KCNQ1: variants seen among roughly 807,000 people sequenced by gnomAD.
KCNQ1 encodes potassium voltage-gated channel subfamily Q member 1, also known as potassium voltage-gated channel subfamily KQT member 1.
KCNQ1 carries 49 observed loss-of-function variants against 72.4 expected under a neutral mutation model. The observed-to-expected ratio is 0.68, with a 90% CI of 0.54 to 0.86. KCNQ1 has a LOEUF of 0.86. KCNQ1 is among the 40% of genes least tolerant of loss of function. KCNQ1 has a pLI of 0.00. For synonymous variants in KCNQ1, 450 were observed against 412.6 expected (o/e 1.09, Z -1.10); for missense variants, 790 against 945.1 (o/e 0.84, Z 2.15).
intron 15 of KCNQ1, among the ~76,000 whole-genome samples, chr11:2,796,471 G>A (rs775741418): frequency 1.3e-5 from 2 of 152,186 alleles, no homozygotes; most frequent in Admixed American, 6.5e-5. Context: ...TTTATACCCC[G>A]AGACCAGGCG....
chr11:2,539,125 G>A lies in KCNQ1; in HGVS notation c.477+11107G>A, dbSNP rs115547370. Among the ~76,000 whole-genome samples, 512 of 152,278 alleles carry A rather than the reference G, an allele frequency of 3.4e-3. 3 individuals are homozygous for A. The highest frequency in any genetic ancestry group is 0.012 in the African/African-American group (497 of 41,564). ...GTGGATGATGTCCCGTCGGCAGCCCGTGGTCCCTCTGGGGGGCAAGGTGCC... is the reference window on the plus strand; with the variant it reads ...GTGGATGATGTCCCGTCGGCAGCCCATGGTCCCTCTGGGGGGCAAGGTGCC... On this transcript the variant is annotated intron_variant, in intron 2 of 15. Transcript: ENST00000155840.
chr11:2,637,565 C>A (rs143966424), intron 10 of KCNQ1: 2 of 152,264 alleles, frequency 1.3e-5, no homozygotes, highest in African/African-American at 4.8e-5. Flanking sequence ...GTTATAGTTT[C>A]TGTTCTTTTA....
At position 2,450,313 on chromosome 11, in the gene KCNQ1, C is replaced by T. The variant is rs1024478471; in HGVS notation, c.386+4829C>T. 2.6e-5 allele frequency among the ~76,000 whole-genome samples: 4 copies of T among 152,176 alleles called. No individual in the cohort carries two copies. The highest frequency in any genetic ancestry group is 7.2e-5 in the African/African-American group (3 of 41,438). Reference sequence around the variant, plus strand: ...GCTGAGAGACAGCAGATGCCCAAGACGAGTTGCTGGTGTGTGGCCAGTGCT... The same window carrying T: ...GCTGAGAGACAGCAGATGCCCAAGATGAGTTGCTGGTGTGTGGCCAGTGCT... On this transcript the variant is annotated intron_variant, in intron 1 of 15. Transcript: ENST00000155840. The surrounding 1 kb of genome is among the most constrained non-coding windows in gnomAD (Gnocchi z 7.9).
chr11:2,467,198 G>C (rs941257344), intron 1 of KCNQ1, among the ~76,000 whole-genome samples: 2 of 152,178 alleles, frequency 1.3e-5, no homozygotes, highest in African/African-American at 2.4e-5. Context: ...GGGTGGAAGT[G>C]GGCTGTGAGG....
At chr11:2,622,368 A>G (rs946679606) in intron 10 of KCNQ1, 4 of 398,112 alleles carry the variant, frequency 1.0e-5, no homozygotes, top group Admixed American at 4.4e-5. Flanking sequence ...AATTACCTCC[A>G]GCTTTCTTTA....
rs1393971776 is a variant in KCNQ1 at position 2,670,029 on chromosome 11, C to T, written c.1514+7948C>T. 4 of 398,484 alleles carry T rather than the reference C, an allele frequency of 1.0e-5. No homozygotes were observed. Among genetic ancestry groups the T allele is most frequent in the Non-Finnish European group, 1.8e-5 (4 of 226,100 alleles). 24.7% of individuals were successfully genotyped at this position (398,484 alleles called of 1,614,324 possible). On this transcript the variant is annotated intron_variant, in intron 11 of 15. Coordinates refer to ENST00000155840, the MANE Select transcript of KCNQ1 (RefSeq NM_000218.3). The surrounding 1 kb of genome is among the most constrained non-coding windows in gnomAD (Gnocchi z 4.9). ...GAGCTGTTGGGGTCCCGTGGAGGTA[C>T]AGGCGGAAACCTAGCACTCACTATT... is the stretch of plus-strand genomic sequence containing the variant.
intron 15 of KCNQ1, among the ~76,000 whole-genome samples, chr11:2,847,258 C>G (rs1848349402): frequency 6.6e-6 from 1 of 152,228 alleles, no homozygotes; most frequent in Admixed American, 6.5e-5. Context: ...CATGAGCCAG[C>G]CTTGCTGAAC....
chr11:2,511,610 A>G (rs1327957208), intron 1 of KCNQ1, among the ~76,000 whole-genome samples: 4 of 152,114 alleles, frequency 2.6e-5, no homozygotes, highest in African/African-American at 4.8e-5. Flanking sequence ...GTTGGGCGGG[A>G]CTGAGGATAC....
rs1846847228 is a variant in KCNQ1, at chr11:2,782,855, T to TA, written c.1794+4821dup. Reference sequence around the variant, plus strand: ...ACTTGACACTATTCCCCTGTCTTATTAAATGTTTCGTGGACTTCTGGCTTT... The same window carrying TA: ...ACTTGACACTATTCCCCTGTCTTATTAAAATGTTTCGTGGACTTCTGGCTTT... On this transcript the variant is annotated intron_variant, in intron 15 of 15. Coordinates refer to ENST00000155840, the MANE Select transcript of KCNQ1 (RefSeq NM_000218.3). This position sits in a 1 kb window ranked among gnomAD's most constrained non-coding sequence, Gnocchi z 6.1. Among the ~76,000 whole-genome samples the TA allele has an allele frequency of 6.6e-6, 1 of 152,176 alleles. No individual in the cohort carries two copies. The highest frequency in any genetic ancestry group is 1.5e-5 in the Non-Finnish European group (1 of 68,006).
chr11:2,823,623 G>C (rs1847783711), intron 15 of KCNQ1, among the ~76,000 whole-genome samples: 1 of 152,210 alleles, frequency 6.6e-6, no homozygotes, highest in Admixed American at 6.5e-5. Flanking sequence ...GGATACTCCT[G>C]AAGAGGCCAC....
chr11:2,648,121 C>G (rs913077612), intron 10 of KCNQ1: 11 of 293,826 alleles, frequency 3.7e-5, no homozygotes, highest in Non-Finnish European at 6.1e-5. Context: ...AGGAGGATTG[C>G]TTGAGCCCAG....
chr11:2,481,100 G>A lies in KCNQ1; in HGVS notation c.386+35616G>A, dbSNP rs1003663004. Among the ~76,000 whole-genome samples, 2 of 152,198 alleles carry A rather than the reference G, an allele frequency of 1.3e-5. No individual in the cohort carries two copies. The highest frequency in any genetic ancestry group is 6.5e-5 in the Admixed American group (1 of 15,286). ...TTCACTCATAGCCACGAGAACGGGTGGTGGTCTCTTCTGCAGTGAACTGAT... is the reference window on the plus strand; with the variant it reads ...TTCACTCATAGCCACGAGAACGGGTAGTGGTCTCTTCTGCAGTGAACTGAT... On this transcript the variant is annotated intron_variant, in intron 1 of 15. Coordinates refer to ENST00000155840, the MANE Select transcript of KCNQ1 (RefSeq NM_000218.3). The surrounding 1 kb of genome is among the most constrained non-coding windows in gnomAD (Gnocchi z 4.6).
chr11:2,714,331 A>C (rs1326351921), intron 11 of KCNQ1, among the ~76,000 whole-genome samples: 1 of 152,206 alleles, frequency 6.6e-6, no homozygotes, highest in African/African-American at 2.4e-5. Flanking sequence ...GGCAGCAGGC[A>C]CTATGGGCGA....
At chr11:2,820,775 T>A (rs928706604) in intron 15 of KCNQ1, among the ~76,000 whole-genome samples, 2 of 152,240 alleles carry the variant, frequency 1.3e-5, no homozygotes, top group African/African-American at 4.8e-5. Context: ...CATTGAGGGT[T>A]TGAGTCTGCG....
intron 15 of KCNQ1, among the ~76,000 whole-genome samples, chr11:2,797,171 C>CG (rs112995173): frequency 3.3e-5 from 5 of 149,280 alleles, no homozygotes; most frequent in Non-Finnish European, 5.9e-5. Flanking sequence ...GGGGGGGTGG[C>CG]GGGGGGGAGG....
At chr11:2,453,877 TA>T (rs1003729247) in intron 1 of KCNQ1, among the ~76,000 whole-genome samples, 5 of 152,218 alleles carry the variant, frequency 3.3e-5, no homozygotes, top group African/African-American at 1.2e-4. Context: ...TGTGGAATAT[TA>T]TGCAGCTGTA....
In KCNQ1 at chr11:2,617,790, T is replaced by G. The variant is rs1849092568; in HGVS notation, c.1393+28936T>G. ...TGCATTTCCCTGACGATTAGTGATG[T>G]TAAATGTCTTTTCATATATGTGTTT... On this transcript the variant is annotated intron_variant, in intron 10 of 15. Coordinates refer to ENST00000155840, the MANE Select transcript of KCNQ1 (RefSeq NM_000218.3). The surrounding 1 kb of genome is among the most constrained non-coding windows in gnomAD (Gnocchi z 4.6). The G allele has an allele frequency of 5.0e-6, 2 of 398,462 alleles. No homozygotes were observed. Among genetic ancestry groups the G allele is most frequent in the East Asian group, 7.1e-5 (2 of 28,078 alleles). 24.7% of individuals were successfully genotyped at this position (398,462 alleles called of 1,614,324 possible). A position where few individuals can be genotyped will look rare whatever the true frequency, so the allele number is the denominator to read the frequency against.
Position 2,658,571 on chromosome 11 carries a change from C to A in KCNQ1, c.1394-3390C>A. On this transcript the variant is annotated intron_variant, in intron 10 of 15. Transcript: ENST00000155840. This position sits in a 1 kb window ranked among gnomAD's most constrained non-coding sequence, Gnocchi z 4.9. ...CCTAGCCCTAGAATCATCCATTCAT[C>A]CAGAGAGCCCTGGCTCCCTGGAGAA... 2.9e-6 allele frequency: 1 copy of A among 339,408 alleles called. No homozygotes were observed. The highest frequency in any genetic ancestry group is 1.7e-4 in the South Asian group (1 of 5,902). The allele number at this position is 339,408 out of a possible 1,614,324, so 21.0% of individuals were successfully genotyped here.
intron 8 of KCNQ1, 30 bp from the exon 9 acceptor site, chr11:2,587,540 G>A (rs772168071): frequency 6.2e-7 from 1 of 1,613,168 alleles, no homozygotes; most frequent in South Asian, 1.1e-5. Flanking sequence ...GGCTCAGCAG[G>A]TGACAGCCTG....
Sources: gnomAD v4.1 joint callset for allele counts (sites outside exome capture counted in the v4.1 genomes callset) on GRCh38, gnomAD v4.1.1 for gene constraint, Gnocchi (gnomAD v3.1) non-coding constraint, MANE v1.5 for transcripts, NCBI Gene and HGNC (gene_info 2026-07-23, HGNC 2026-07-21) for gene names.